Variants in RARB observed in about 807,000 individuals in gnomAD.
RARB encodes the protein HBV-activated protein.
RARB carries 17 observed loss-of-function variants against 51.9 expected under a neutral mutation model. That is an observed-to-expected ratio of 0.33 (90% CI 0.22 to 0.49). RARB has a LOEUF of 0.49. RARB is among the 20% of genes least tolerant of loss of function. The probability of loss-of-function intolerance (pLI) is 0.99; values close to 1 mark genes in which losing one functional copy is unlikely to be tolerated. For synonymous variants in RARB, 215 were observed against 195.4 expected, an observed-to-expected ratio of 1.10 and a Z score of -0.84; for missense variants, 369 against 550.8, an observed-to-expected ratio of 0.67 and a Z score of 3.30.
At chr3:25,327,017 G>A (rs1323323513) in intron 5 of RARB, among the ~76,000 whole-genome samples, 5 of 151,862 alleles carry the variant, frequency 3.3e-5, no homozygotes, top group Non-Finnish European at 5.9e-5. Flanking sequence ...AGTCCCCGGT[G>A]TGTGATGTTC....
chr3:24,878,210 AT>A (rs58436769), intron 2 of RARB, among the ~76,000 whole-genome samples: 14,238 of 146,238 alleles, frequency 0.097, 879 homozygotes, highest in East Asian at 0.19. Context: ...TAGCCAAACC[AT>A]TTTTTTTTTT....
chr3:25,479,387 C>T (rs1393409244), intron 2 of RARB, among the ~76,000 whole-genome samples: 4 of 152,154 alleles, frequency 2.6e-5, no homozygotes, highest in East Asian at 3.8e-4. Flanking sequence ...TGGTATTATG[C>T]AGTCCATGCC....
chr3:25,471,799 T>C (rs971261762), intron 2 of RARB, among the ~76,000 whole-genome samples: 13 of 152,340 alleles, frequency 8.5e-5, no homozygotes, highest in African/African-American at 2.9e-4. Context: ...TTATTGCAAT[T>C]ATCCTCTTTG....
chr3:24,891,604 C>T (rs997468812), intron 2 of RARB, among the ~76,000 whole-genome samples: 1 of 152,138 alleles, frequency 6.6e-6, no homozygotes. Context: ...TCTGCCTTTT[C>T]ATCATAACTT....
At chr3:24,961,137 A>G (rs1696131278) in intron 2 of RARB, among the ~76,000 whole-genome samples, 1 of 152,246 alleles carries the variant, frequency 6.6e-6, no homozygotes, top group African/African-American at 2.4e-5. Flanking sequence ...CTTTGCTATT[A>G]TAATTATTAA....
chr3:24,879,353 C>T (rs567348627), intron 2 of RARB, among the ~76,000 whole-genome samples: 134 of 151,742 alleles, frequency 8.8e-4, no homozygotes, highest in African/African-American at 3.1e-3. Context: ...GGCGTGAACC[C>T]GGGAGGCGGA....
chr3:25,154,621 G>T (rs1258558768), intron 4 of RARB, among the ~76,000 whole-genome samples: 1 of 152,098 alleles, frequency 6.6e-6, no homozygotes, highest in Non-Finnish European at 1.5e-5. Flanking sequence ...CTCACCAGTG[G>T]GTACATGCAG....
chr3:25,369,448 T>G (rs187950814), intron 5 of RARB, among the ~76,000 whole-genome samples: 128 of 152,324 alleles, frequency 8.4e-4, no homozygotes, highest in Non-Finnish European at 1.2e-3. Flanking sequence ...AGCAGCTAGA[T>G]TCTGTGGATA....
intron 5 of RARB, among the ~76,000 whole-genome samples, chr3:25,187,549 G>C (rs1019518827): frequency 2.6e-5 from 4 of 151,760 alleles, no homozygotes; most frequent in African/African-American, 9.7e-5. Flanking sequence ...TTAGAGACAG[G>C]AGAAAGGGAA....
At chr3:25,298,341 C>A (rs1703965753) in intron 5 of RARB, among the ~76,000 whole-genome samples, 1 of 152,030 alleles carries the variant, frequency 6.6e-6, no homozygotes, top group Non-Finnish European at 1.5e-5. Flanking sequence ...TGCCACCACG[C>A]CTGGCTAATT....
At chr3:25,078,796 G>T (rs1489871454) in intron 3 of RARB, among the ~76,000 whole-genome samples, 1 of 152,176 alleles carries the variant, frequency 6.6e-6, no homozygotes, top group African/African-American at 2.4e-5. Context: ...CTCCCAGAGT[G>T]CTGGGATTAC....
intron 3 of RARB, among the ~76,000 whole-genome samples, chr3:25,115,710 G>A (rs1055757884): frequency 2.7e-5 from 4 of 150,650 alleles, no homozygotes; most frequent in African/African-American, 9.8e-5. Flanking sequence ...CACCCAGGCT[G>A]GAGTGCAGTG....
chr3:25,269,753 C>A (rs1265294178), intron 5 of RARB, among the ~76,000 whole-genome samples: 1 of 152,068 alleles, frequency 6.6e-6, no homozygotes, highest in Non-Finnish European at 1.5e-5. Flanking sequence ...TCTTTTTTAA[C>A]AAAATGTGTA....
rs568523314 is a variant in RARB at position 25,125,043 on chromosome 3, A to G, written c.-327-7118A>G. On this transcript the variant is annotated intron_variant, in intron 3 of 11. Transcript: ENST00000383772. ...GATTGAGATCATCTAGTTTACTAGT[A>G]ACAAAAATCAGAAATGAAATACAAC... 1.3e-4 allele frequency among the ~76,000 whole-genome samples: 20 copies of G among 152,338 alleles called. No homozygotes were observed. The South Asian group carries it at 4.1e-3, about 32-fold the overall frequency.
In RARB at chr3:25,205,766, G is replaced by A. The variant is rs184666731; in HGVS notation, c.178+31191G>A. On this transcript the variant is annotated intron_variant, in intron 5 of 11. Coordinates refer to the RARB transcript ENST00000383772. ...AAAACCTTTTTTTTTTTCTTGAGAC[G>A]GGGTCTCACTCTGTTGCCCTAGCTG... Among the ~76,000 whole-genome samples, 26 of 150,968 alleles carry A rather than the reference G, an allele frequency of 1.7e-4. No homozygotes were observed. In the East Asian group the frequency reaches 3.5e-3, roughly 20 times the overall value.
At chr3:25,374,750 G>T (rs1575352811) in intron 5 of RARB, among the ~76,000 whole-genome samples, 1 of 152,268 alleles carries the variant, frequency 6.6e-6, no homozygotes, top group Non-Finnish European at 1.5e-5. Context: ...GGCTCCCTCT[G>T]ACATGAGTGG....
chr3:25,506,421 C>T (rs1013252342), intron 3 of RARB, among the ~76,000 whole-genome samples: 26 of 152,166 alleles, frequency 1.7e-4, no homozygotes, highest in African/African-American at 3.4e-4. Context: ...GCCTGGGCAA[C>T]GTGGCAAGAC....
At chr3:25,188,878 T>C (rs1350653976) in intron 5 of RARB, among the ~76,000 whole-genome samples, 1 of 152,154 alleles carries the variant, frequency 6.6e-6, no homozygotes. Flanking sequence ...AAATTGTAAA[T>C]GAGGACATTT....
chr3:25,258,212 C>T (rs1350150199), intron 5 of RARB, among the ~76,000 whole-genome samples: 2 of 152,040 alleles, frequency 1.3e-5, no homozygotes, highest in African/African-American at 4.8e-5. Context: ...TTCCATGTTT[C>T]TATGTGGCAC....
Sources: gnomAD v4.1 joint callset for allele counts (sites outside exome capture counted in the v4.1 genomes callset) on GRCh38, gnomAD v4.1.1 for gene constraint, MANE v1.5 for transcripts, NCBI Gene and HGNC (gene_info 2026-07-23, HGNC 2026-07-21) for gene names.